Variants in CARS2 observed in about 807,000 individuals in gnomAD.
CARS2 encodes probable cysteine--tRNA ligase, mitochondrial.
CARS2 carries 52 observed loss-of-function variants against 68.8 expected under a neutral mutation model. That is an observed-to-expected ratio of 0.76 (90% CI 0.61 to 0.95). The LOEUF (loss-of-function observed/expected upper bound fraction) is 0.95, where lower values mean the gene tolerates loss of function less well. Ranked by LOEUF, CARS2 falls within the 40% of genes least tolerant of loss-of-function variation. The pLI, the probability that CARS2 is intolerant of heterozygous loss-of-function variation, is 0.00. For missense variants in CARS2, 780 were observed against 754.2 expected (o/e 1.03, Z -0.40); for synonymous variants, 314 against 303.6 (o/e 1.03, Z -0.36).
intron 8 of CARS2, 163 bp from the exon 9 acceptor site, chr13:110,663,681 C>T (rs1044607149): frequency 5.7e-6 from 8 of 1,401,886 alleles, no homozygotes; most frequent in Non-Finnish European, 6.5e-6. Flanking sequence ...CCGTGCTGGG[C>T]CTTCCGGGAA....
At chr13:110,707,107 GTGTGCACCCCAACACAGCACA>G (rs1240996966), upstream of CARS2, among the ~76,000 whole-genome samples, 1 of 150,336 alleles carries the variant, frequency 6.7e-6, no homozygotes, top group East Asian at 2.0e-4. Context: ...CCCCAGTACA[GTGTGCACCCCAACACAGCACA>G]TGTGCATCCC....
intron 10 of CARS2, among the ~76,000 whole-genome samples, chr13:110,647,906 C>T (rs887606526): frequency 6.6e-6 from 1 of 152,234 alleles, no homozygotes; most frequent in Admixed American, 6.5e-5. Flanking sequence ...ATTTCTAGAA[C>T]CTTCTCGTGC....
rs752514843 is a variant in CARS2 at position 110,687,766 on chromosome 13, T to G, written c.526A>C (p.Ile176Leu). 6.2e-7 allele frequency: 1 copy of G among 1,613,072 alleles called. No individual in the cohort carries two copies. The highest frequency in any genetic ancestry group is 8.5e-7 in the Non-Finnish European group (1 of 1,179,518). The change falls in exon 5 of 15, where the codon ATT (isoleucine) becomes CTT (leucine). Residue 176 changes from isoleucine (I) to leucine (L), a missense_variant. By Grantham distance (5) the Ile-to-Leu change is conservative. Coordinates refer to ENST00000257347, the MANE Select transcript of CARS2 (RefSeq NM_024537.4). ...TTCCCACGAGCAATGATTCCTTCAA[T>G]GAAAGAAATTATCTGAGGAATATTT... ...TENIPQIISFIEGIIARGNAY... is the reference protein window; with the variant it reads ...TENIPQIISFLEGIIARGNAY...
In CARS2 at chr13:110,646,078, G is replaced by A. The variant is rs556643017; in HGVS notation, c.1206C>T (p.Thr402=). Residue 402 remains threonine, a synonymous_variant, in exon 12 of 15, where the codon ACC becomes ACT. Coordinates refer to ENST00000257347, the MANE Select transcript of CARS2 (RefSeq NM_024537.4). ...EAMLWERLSS[T]KRAVKAALAD... is the part of the protein sequence containing the mutation. ...CCAAGGCCGCCTTCACGGCCCTCTT[G>A]GTGCTGGAGAGCCTGAGGGAAGAGG... is the stretch of plus-strand genomic sequence containing the variant. The A allele has an allele frequency of 1.2e-5, 20 of 1,613,528 alleles. No homozygotes were observed. The East Asian group carries it at 4.0e-4, about 32-fold the overall frequency.
chr13:110,682,039 C>T (rs563215961), intron 6 of CARS2, among the ~76,000 whole-genome samples: 119 of 151,732 alleles, frequency 7.8e-4, no homozygotes, highest in Non-Finnish European at 1.4e-3. Context: ...CACACAGTGC[C>T]GAGAGTGAAC....
intron 8 of CARS2, chr13:110,664,074 C>T: frequency 1.0e-6 from 1 of 984,382 alleles, no homozygotes; most frequent in South Asian, 4.7e-5. Context: ...AGGAGGAAAA[C>T]CAAACTCATT....
chr13:110,709,065 TCTC>T, upstream of CARS2, among the ~76,000 whole-genome samples: 1 of 148,466 alleles, frequency 6.7e-6, no homozygotes, highest in African/African-American at 2.5e-5. Flanking sequence ...CCTGGCCAAT[TCTC>T]TTTTCTCTTT....
At chr13:110,675,111 G>A (rs2062908305) in intron 7 of CARS2, among the ~76,000 whole-genome samples, 1 of 152,148 alleles carries the variant, frequency 6.6e-6, no homozygotes, top group Non-Finnish European at 1.5e-5. Context: ...CTGTTGGTGG[G>A]ACTGTAAACT....
chr13:110,679,019 C>T (rs1323222740), intron 6 of CARS2, among the ~76,000 whole-genome samples: 2 of 152,280 alleles, frequency 1.3e-5, no homozygotes, highest in Non-Finnish European at 2.9e-5. Flanking sequence ...GTCATCCGGT[C>T]ACGCCCGTTG....
At position 110,651,590 on chromosome 13, in the gene CARS2, C is replaced by A. The variant is rs146581261; in HGVS notation, c.988-490G>T. On this transcript the variant is annotated intron_variant, in intron 9 of 14. Transcript: ENST00000257347. ...CCAAGGGGCGACAGCCTCACTCATC[C>A]TATTTGGTGGCACAGTTCTTGTAAA... Among the ~76,000 whole-genome samples, 135 of 152,354 alleles carry A rather than the reference C, an allele frequency of 8.9e-4. 3 individuals carry two copies. The East Asian group carries it at 0.024, about 27-fold the overall frequency.
At chr13:110,663,058 G>A (rs7993933) in intron 9 of CARS2, 370,380 of 464,196 alleles carry the variant, frequency 0.8, 150,056 homozygotes, top group Non-Finnish European at 0.85. Flanking sequence ...AGCCTATTAA[G>A]GGCAAACAGC....
chr13:110,710,226 AC>A (rs1306450470), upstream of CARS2, among the ~76,000 whole-genome samples: 1 of 152,150 alleles, frequency 6.6e-6, no homozygotes, highest in Non-Finnish European at 1.5e-5. Context: ...TACTAAAAAT[AC>A]AAAAATTAGT....
At chr13:110,688,436 C>T (rs143011226) in intron 3 of CARS2, among the ~76,000 whole-genome samples, 18 of 152,054 alleles carry the variant, frequency 1.2e-4, no homozygotes, top group African/African-American at 3.9e-4. Context: ...GGCAACAGGA[C>T]GAGACACCAT....
chr13:110,699,067 G>A (rs371753758), intron 3 of CARS2, among the ~76,000 whole-genome samples: 1 of 152,116 alleles, frequency 6.6e-6, no homozygotes, highest in Non-Finnish European at 1.5e-5. Flanking sequence ...CTTTTGGCAG[G>A]GCTTCTTTCT....
chr13:110,706,581 A>AGCACCCCAATACAGTGT (rs920415053), upstream of CARS2: 2 of 152,368 alleles, frequency 1.3e-5, no homozygotes, highest in Non-Finnish European at 2.9e-5. Flanking sequence ...AACACACGTC[A>AGCACCCCAATACAGTGT]GCACCCCAAT....
chr13:110,695,326 T>C (rs1292133281), intron 3 of CARS2, among the ~76,000 whole-genome samples: 1 of 152,126 alleles, frequency 6.6e-6, no homozygotes, highest in East Asian at 1.9e-4. Context: ...TTAAAAAATA[T>C]AGTACTACTA....
exon 1 of CARS2, chr13:110,713,295 C>G (rs565116451): frequency 3.9e-6 from 5 of 1,266,676 alleles, no homozygotes; most frequent in East Asian, 6.7e-5. Context: ...GCGGTAGTTG[C>G]TGTGTACCAT....
intron 7 of CARS2, among the ~76,000 whole-genome samples, chr13:110,675,723 T>A (rs979992225): frequency 6.6e-5 from 10 of 152,052 alleles, no homozygotes; most frequent in Non-Finnish European, 1.0e-4. Context: ...AAAAACCCAT[T>A]TCTACAAATA....
intron 5 of CARS2, among the ~76,000 whole-genome samples, chr13:110,685,285 A>T (rs1293645571): frequency 6.6e-6 from 1 of 151,944 alleles, no homozygotes; most frequent in Non-Finnish European, 1.5e-5. Flanking sequence ...ACTCCAGCCT[A>T]GGCGACAGAG....
Sources: gnomAD v4.1 joint callset for allele counts (sites outside exome capture counted in the v4.1 genomes callset) on GRCh38, gnomAD v4.1.1 for gene constraint, MANE v1.5 for transcripts, NCBI Gene and HGNC (gene_info 2026-07-23, HGNC 2026-07-21) for gene names.